The following LUZP1 variants were observed in gnomAD, a reference collection of about 807,000 sequenced individuals.
LUZP1 encodes the protein filamin mechanobinding actin cross-linking protein.
In LUZP1, 25 loss-of-function variants were observed where a neutral mutation model predicts 71.3. The observed-to-expected ratio is 0.35, with a 90% confidence interval of 0.26 to 0.49. The LOEUF (loss-of-function observed/expected upper bound fraction) is 0.49, where lower values mean the gene tolerates loss of function less well. LUZP1 is among the 20% of genes least tolerant of loss of function. The pLI is 0.99. For synonymous variants in LUZP1, 481 were observed against 506.4 expected (o/e 0.95, Z 0.67); for missense variants, 1,142 against 1,300.8 (o/e 0.88, Z 1.88).
exon 5 of LUZP1, chr1:23,087,823 T>C (rs746889737): frequency 2.0e-5 from 3 of 152,672 alleles, no homozygotes; most frequent in Non-Finnish European, 2.9e-5. Flanking sequence ...GTCATCATGA[T>C]AGTCGACTTG....
At chr1:23,163,652 A>G (rs552136450) in intron 2 of LUZP1, among the ~76,000 whole-genome samples, 3 of 152,274 alleles carry the variant, frequency 2.0e-5, no homozygotes, top group African/African-American at 7.2e-5. Context: ...AGGAATCTCC[A>G]GAAATTAAGA....
At chr1:23,118,882 C>G (rs1644107079) in intron 2 of LUZP1, among the ~76,000 whole-genome samples, 1 of 152,204 alleles carries the variant, frequency 6.6e-6, no homozygotes. Flanking sequence ...AACTGATCAC[C>G]TCTACCTGTC....
intron 4 of LUZP1, chr1:23,090,763 C>T (rs777019703): frequency 6.0e-6 from 4 of 671,978 alleles, no homozygotes; most frequent in African/African-American, 3.6e-5. Flanking sequence ...AACTTGCTGA[C>T]CTGGCTCCCC....
intron 1 of LUZP1, among the ~76,000 whole-genome samples, chr1:23,169,465 A>G (rs1033204631): frequency 1.3e-5 from 2 of 152,208 alleles, no homozygotes; most frequent in African/African-American, 4.8e-5. Flanking sequence ...TCCTATTTCT[A>G]TTACTCTGCA....
At position 23,158,755 on chromosome 1, in the gene LUZP1, C is replaced by A. The variant is rs527812280; in HGVS notation, c.-226+10011G>T. On this transcript the variant is annotated intron_variant, in intron 2 of 4. Transcript: ENST00000302291. ...GCGGAGGTGGGCAGATTACCTGAGG[C>A]CAGGAGTTCAAGACTAGCCTGGCCA... 4.1e-5 allele frequency among the ~76,000 whole-genome samples: 6 copies of A among 145,240 alleles called. No homozygotes were observed. The South Asian group carries it at 1.3e-3, about 32-fold the overall frequency.
chr1:23,173,356 T>C (rs1233912493), intron 1 of LUZP1, among the ~76,000 whole-genome samples: 24 of 138,718 alleles, frequency 1.7e-4, no homozygotes, highest in South Asian at 2.3e-4. Flanking sequence ...TTTTCTTTTT[T>C]TTTTTTTTTT....
chr1:23,169,114 T>C (rs1458717174), intron 1 of LUZP1: 1 of 152,156 alleles, frequency 6.6e-6, no homozygotes, highest in Non-Finnish European at 1.5e-5. Context: ...ATCCCAGAAC[T>C]TTGGGAGGCT....
intron 2 of LUZP1, among the ~76,000 whole-genome samples, chr1:23,142,698 TATACACACACACAC>T (rs1281629470): frequency 3.6e-4 from 37 of 101,482 alleles, no homozygotes; most frequent in African/African-American, 1.1e-3. Context: ...TATATATATA[TATACACACACACAC>T]ACACACACAC....
At chr1:23,091,536 T>G in exon 4 of LUZP1, 1 of 1,614,180 alleles carries the variant, frequency 6.2e-7, no homozygotes, top group East Asian at 2.2e-5. Flanking sequence ...GAAGCCCACT[T>G]CTGAAGGGGC....
intron 2 of LUZP1, among the ~76,000 whole-genome samples, chr1:23,126,545 T>C (rs952936468): frequency 3.3e-5 from 5 of 152,234 alleles, no homozygotes; most frequent in African/African-American, 1.2e-4. Flanking sequence ...TCACTGAATG[T>C]AAGCTCTATT....
chr1:23,145,920 T>G (rs977499019), intron 2 of LUZP1, among the ~76,000 whole-genome samples: 1 of 152,230 alleles, frequency 6.6e-6, no homozygotes, highest in Non-Finnish European at 1.5e-5. Context: ...AATATACTTA[T>G]GTAATGAAAA....
chr1:23,093,457 T>C lies in LUZP1; in HGVS notation c.805A>G (p.Asn269Asp), dbSNP rs140949865. 234 of 1,613,376 alleles carry C rather than the reference T, an allele frequency of 1.5e-4. 2 individuals carry two copies. In the South Asian group the frequency reaches 1.6e-3, roughly 11 times the overall value. Residue 269 changes from asparagine (N) to aspartate (D), a missense_variant, in exon 4 of 5, where the codon AAT becomes GAT. Asn to Asp is a conservative substitution (Grantham distance 23). Transcript: ENST00000302291. This position sits in a 1 kb window ranked among gnomAD's most constrained non-coding sequence, Gnocchi z 4.2. Reference sequence around the variant, plus strand: ...TTTTCTGATTTGTTTCTTGTTTCATTCTCTACCTGCTTTAGGTAGTCCAGA... The same window carrying C: ...TTTTCTGATTTGTTTCTTGTTTCATCCTCTACCTGCTTTAGGTAGTCCAGA...
At chr1:23,157,047 T>C (rs1432235298) in intron 2 of LUZP1, among the ~76,000 whole-genome samples, 1 of 152,222 alleles carries the variant, frequency 6.6e-6, no homozygotes, top group Admixed American at 6.5e-5. Context: ...TACATAACTT[T>C]CCAAGGCAGG....
chr1:23,090,988 A>AT (rs1643843177), intron 4 of LUZP1: 1 of 723,038 alleles, frequency 1.4e-6, no homozygotes, highest in African/African-American at 1.7e-5. Flanking sequence ...TGGAAAAGGG[A>AT]TTTTGGAAAG....
chr1:23,098,727 G>A (rs1643909669), intron 3 of LUZP1, among the ~76,000 whole-genome samples: 1 of 152,176 alleles, frequency 6.6e-6, no homozygotes, highest in South Asian at 2.1e-4. Flanking sequence ...GAAACAGTCT[G>A]AGACATAAGA....
intron 2 of LUZP1, 44 bp downstream of exon 1, chr1:23,168,722 T>TC (rs1644531118): frequency 1.4e-5 from 2 of 144,606 alleles, no homozygotes; most frequent in South Asian, 4.4e-4. Context: ...CGCCCTCCCC[T>TC]CCCCGCGCCG....
At chr1:23,157,284 A>G (rs1429627650) in intron 2 of LUZP1, among the ~76,000 whole-genome samples, 1 of 152,198 alleles carries the variant, frequency 6.6e-6, no homozygotes, top group Non-Finnish European at 1.5e-5. Flanking sequence ...GTGAGCTGTG[A>G]TCATGCCACT....
intron 3 of LUZP1, among the ~76,000 whole-genome samples, chr1:23,101,863 T>C (rs982527577): frequency 6.6e-6 from 1 of 152,208 alleles, no homozygotes; most frequent in Non-Finnish European, 1.5e-5. Context: ...CAGACATTTA[T>C]AGAACACCTA....
At chr1:23,154,928 CAT>C (rs1180929270) in intron 2 of LUZP1, among the ~76,000 whole-genome samples, 3 of 152,060 alleles carry the variant, frequency 2.0e-5, no homozygotes, top group Non-Finnish European at 4.4e-5. Context: ...TTTTCCATCA[CAT>C]GTCTTTAAGA....
Sources: gnomAD v4.1 joint callset for allele counts (sites outside exome capture counted in the v4.1 genomes callset) on GRCh38, gnomAD v4.1.1 for gene constraint, Gnocchi (gnomAD v3.1) non-coding constraint, MANE v1.5 for transcripts, NCBI Gene and HGNC (gene_info 2026-07-23, HGNC 2026-07-21) for gene names.